COL1A2: variants seen among roughly 807,000 people sequenced by gnomAD.
COL1A2 encodes collagen type I alpha 2 chain.
COL1A2 carries 49 observed loss-of-function variants against 174.3 expected under a neutral mutation model. The observed-to-expected ratio is 0.28, with a 90% CI of 0.22 to 0.36. The LOEUF (loss-of-function observed/expected upper bound fraction) is 0.36, where lower values mean the gene tolerates loss of function less well. COL1A2 is among the 10% of genes least tolerant of loss of function. The pLI is 1.00. For synonymous variants in COL1A2, 655 were observed against 606.6 expected, an observed-to-expected ratio of 1.08 and a Z score of -1.17; for missense variants, 1,438 against 1,822.7, an observed-to-expected ratio of 0.79 and a Z score of 3.84.
At chr7:94,425,074 A>G in intron 41 of COL1A2, 43 bp from the exon 42 acceptor site, 3 of 1,564,914 alleles carry the variant, frequency 1.9e-6, no homozygotes, top group East Asian at 2.2e-5. Flanking sequence ...TTAGCATTCC[A>G]TCGAATAAGG....
intron 30 of COL1A2, among the ~76,000 whole-genome samples, chr7:94,415,504 A>G (rs568172810): frequency 3.8e-4 from 58 of 152,312 alleles, no homozygotes; most frequent in Non-Finnish European, 6.8e-4. Context: ...AAATCAATAT[A>G]TATTATAGTC....
chr7:94,419,710 T>G (rs1261500639), intron 34 of COL1A2, among the ~76,000 whole-genome samples, 159 bp downstream of exon 34: 1 of 152,212 alleles, frequency 6.6e-6, no homozygotes, highest in Non-Finnish European at 1.5e-5. Context: ...AAATGCTGTG[T>G]GTTTAAAATT....
chr7:94,405,733 A>G lies in COL1A2; in HGVS notation c.540+7A>G. The G allele has an allele frequency of 1.2e-6, 2 of 1,611,036 alleles. No individual in the cohort carries two copies. Among genetic ancestry groups the G allele is most frequent in the Non-Finnish European group, 8.5e-7 (1 of 1,177,164 alleles). On this transcript the variant is annotated splice_region_variant and intron_variant, in intron 11 of 51. Coordinates refer to ENST00000297268, the MANE Select transcript of COL1A2 (RefSeq NM_000089.4). ...TGGCTTCAAAGGCATTAGGGTGAGCACATTCTTTACTCAGAAGAGAGAAAA... is the reference window on the plus strand; with the variant it reads ...TGGCTTCAAAGGCATTAGGGTGAGCGCATTCTTTACTCAGAAGAGAGAAAA...
chr7:94,405,345 T>G, intron 10 of COL1A2, 93 bp downstream of exon 10: 1 of 1,200,382 alleles, frequency 8.3e-7, no homozygotes, highest in Non-Finnish European at 1.2e-6. Flanking sequence ...AACATAGATG[T>G]CACCCAAACT....
At position 94,409,427 on chromosome 7, in the gene COL1A2, A is replaced by T. The variant is rs1017077909; in HGVS notation, c.891+7A>T. ...CGGCCCCGTTGGACCTCCTGTAAGT[A>T]GCCACTGTCTTTAAACTTTATTGAG... is the stretch of plus-strand genomic sequence containing the variant. On this transcript the variant is annotated splice_region_variant and intron_variant, in intron 17 of 51. Coordinates refer to ENST00000297268, the MANE Select transcript of COL1A2 (RefSeq NM_000089.4). The T allele has an allele frequency of 4.3e-6, 7 of 1,613,882 alleles. No homozygotes were observed. The highest frequency in any genetic ancestry group is 1.3e-5 in the African/African-American group (1 of 74,916).
intron 34 of COL1A2, 23 bp from the exon 35 acceptor site, chr7:94,420,210 A>G (rs934912320): frequency 6.2e-7 from 1 of 1,612,870 alleles, no homozygotes; most frequent in East Asian, 2.2e-5. Flanking sequence ...ACATTAACAG[A>G]TTCATCTTTG....
intron 10 of COL1A2, 24 bp downstream of exon 10, chr7:94,405,276 T>C: frequency 1.2e-6 from 2 of 1,609,702 alleles, no homozygotes; most frequent in South Asian, 1.1e-5. Flanking sequence ...CATTGGTAGA[T>C]AGCACAAACA....
intron 33 of COL1A2, among the ~76,000 whole-genome samples, chr7:94,418,969 A>T (rs2115925895): frequency 6.6e-6 from 1 of 150,762 alleles, no homozygotes; most frequent in South Asian, 2.1e-4. Flanking sequence ...GAAATTTATC[A>T]CCCAAAGAGC....
Position 94,430,845 on chromosome 7 carries a change from C to T in COL1A2, c.*452C>T, listed in dbSNP as rs534703594. The T allele has an allele frequency of 4.6e-4, 79 of 172,548 alleles. No individual in the cohort carries two copies. Among genetic ancestry groups the T allele is most frequent in the African/African-American group, 1.8e-3 (76 of 41,612 alleles). 10.7% of individuals were successfully genotyped at this position (172,548 alleles called of 1,614,324 possible). ...ACCTAGACAGAGATGAACTGAGGTCCTTGTTTTGTTTTGTTCATAATACAA... is the reference window on the plus strand; with the variant it reads ...ACCTAGACAGAGATGAACTGAGGTCTTTGTTTTGTTTTGTTCATAATACAA... On this transcript the variant is annotated 3_prime_UTR_variant, in exon 52 of 52. Transcript: ENST00000297268.
rs1584332850 is a variant in COL1A2 at position 94,429,330 on chromosome 7, A to G, written c.3854A>G (p.Asn1285Ser). The G allele has an allele frequency of 6.2e-7, 1 of 1,614,124 alleles. No individual in the cohort carries two copies. Among genetic ancestry groups the G allele is most frequent in the Non-Finnish European group, 8.5e-7 (1 of 1,180,010 alleles). The change falls in exon 51 of 52, where the codon AAC becomes AGC. Residue 1285 changes from asparagine to serine, a missense_variant. Asn to Ser is a conservative substitution (Grantham distance 46). Around this residue, in one of 3 missense-constraint regions of COL1A2, gnomAD observed 290 missense variants for 298.1 expected, o/e 0.97. Transcript: ENST00000297268. ...GCATACATGGATGAGGAGACTGGCA[A>G]CCTGAAAAAGGCTGTCATTCTACAG... is the stretch of plus-strand genomic sequence containing the variant. ...SIAYMDEETGNLKKAVILQGS... is the reference protein window; with the variant it reads ...SIAYMDEETGSLKKAVILQGS...
Position 94,397,751 on chromosome 7 carries a change from T to C in COL1A2, c.74T>C (p.Leu25Ser). The change falls in exon 2 of 52, where the codon TTA becomes TCA. Residue 25 changes from leucine (L) to serine (S), a missense_variant. Around this residue, in one of 3 missense-constraint regions of COL1A2, gnomAD observed 281 missense variants for 310.9 expected, o/e 0.90. Coordinates refer to ENST00000297268, the MANE Select transcript of COL1A2 (RefSeq NM_000089.4). ...TTTTTCTTTTTTTTTTCTACAGCTT[T>C]ACAAGAGGTGAGTAAAACTTTTTTT... The part of the protein sequence containing the change: ...VTLCLATCQS[L>S]QEETVRKGPA... 7.6e-7 allele frequency: 1 copy of C among 1,319,262 alleles called. No homozygotes were observed. Among genetic ancestry groups the C allele is most frequent in the Non-Finnish European group, 1.1e-6 (1 of 922,002 alleles). The allele number at this position is 1,319,262 out of a possible 1,614,324, so 81.7% of individuals were successfully genotyped here.
intron 26 of COL1A2, 40 bp from the exon 27 acceptor site, chr7:94,413,650 C>G: frequency 6.3e-7 from 1 of 1,597,702 alleles, no homozygotes; most frequent in Non-Finnish European, 8.6e-7. Flanking sequence ...AACTACCTGG[C>G]TTGCAGCTAA....
intron 16 of COL1A2, among the ~76,000 whole-genome samples, 169 bp from the exon 17 acceptor site, chr7:94,409,153 A>G (rs1173792768): frequency 6.6e-6 from 1 of 152,218 alleles, no homozygotes; most frequent in African/African-American, 2.4e-5. Flanking sequence ...TGGCAGAATC[A>G]AGCAAGGAAA....
rs112697991 is a variant in COL1A2, at chr7:94,423,080, G to A, written c.2527G>A (p.Ala843Thr). Reference sequence around the variant, plus strand: ...AGGTGCAGTTGGTCCCCCTGGCTTCGCTGGTGAGAAGGGTCCCTCTGGAGA... The same window carrying A: ...AGGTGCAGTTGGTCCCCCTGGCTTCACTGGTGAGAAGGGTCCCTCTGGAGA... The part of the protein sequence containing the change: ...EVGAVGPPGF[A>T]GEKGPSGEAG... The change falls in exon 40 of 52, where the codon GCT (alanine) becomes ACT (threonine). Residue 843 changes from alanine to threonine, a missense_variant. Around this residue, in one of 3 missense-constraint regions of COL1A2, gnomAD observed 867 missense variants for 1,213.7 expected, o/e 0.71. Coordinates refer to ENST00000297268, the MANE Select transcript of COL1A2 (RefSeq NM_000089.4). The A allele has an allele frequency of 1.9e-5, 31 of 1,614,158 alleles. No homozygotes were observed. Among genetic ancestry groups the A allele is most frequent in the African/African-American group, 8.0e-5 (6 of 75,038 alleles).
rs902276955 is a variant in COL1A2, at chr7:94,394,972, C to T, written c.-60C>T. The T allele has an allele frequency of 5.9e-6, 9 of 1,513,666 alleles. No individual in the cohort carries two copies. The East Asian group carries it at 1.8e-4, about 30-fold the overall frequency. The allele number at this position is 1,513,666 out of a possible 1,614,324, so 93.8% of individuals were successfully genotyped here. A position where few individuals can be genotyped will look rare whatever the true frequency, so the allele number is the denominator to read the frequency against. On this transcript the variant is annotated 5_prime_UTR_variant, in exon 1 of 52. Transcript: ENST00000297268. ...GCATGCCCGCGCCCGCCAGGTGATA[C>T]CTCCGCCGGTGACCCAGGGGCTCTG...
At position 94,415,102 on chromosome 7, in the gene COL1A2, T is replaced by G. The variant is rs570045928; in HGVS notation, c.1720-124T>G. 639 of 829,462 alleles carry G rather than the reference T, an allele frequency of 7.7e-4. 2 individuals are homozygous for G. Among genetic ancestry groups the G allele is most frequent in the Non-Finnish European group, 1.1e-3 (533 of 468,714 alleles). The allele number at this position is 829,462 out of a possible 1,614,324, so 51.4% of individuals were successfully genotyped here. On this transcript the variant is annotated intron_variant, in intron 29 of 51. Coordinates refer to ENST00000297268, the MANE Select transcript of COL1A2 (RefSeq NM_000089.4). ...AAGTTGTTCTTATTAGCCTGTGTACTTATGCACTCATGTAGATACTGCCAG... is the reference window on the plus strand; with the variant it reads ...AAGTTGTTCTTATTAGCCTGTGTACGTATGCACTCATGTAGATACTGCCAG...
At chr7:94,414,980 C>G (rs1792008331) in intron 29 of COL1A2, among the ~76,000 whole-genome samples, 1 of 152,110 alleles carries the variant, frequency 6.6e-6, no homozygotes, top group South Asian at 2.1e-4. Context: ...AAGCAATAAA[C>G]TAAATAATGG....
Position 94,395,594 on chromosome 7 carries a change from T to C in COL1A2, c.70+493T>C, listed in dbSNP as rs187802538. The C allele has an allele frequency of 4.4e-4, 116 of 261,978 alleles. 1 individual carries two copies. In the East Asian group the frequency reaches 9.6e-3, roughly 22 times the overall value. 16.2% of individuals were successfully genotyped at this position (261,978 alleles called of 1,614,324 possible). On this transcript the variant is annotated intron_variant, in intron 1 of 51. Transcript: ENST00000297268. The stretch of plus-strand genomic sequence containing the variant: ...GTAAGGCTTGTCCGGAGGAGGAGGA[T>C]GACGATGCTGATATGATGATGGTTA...
At chr7:94,400,327 C>A in intron 5 of COL1A2, 39 bp downstream of exon 5, 1 of 1,533,334 alleles carries the variant, frequency 6.5e-7, no homozygotes, top group Non-Finnish European at 9.0e-7. Context: ...TAGCTAACTT[C>A]AGTTGAAAGA....
Sources: gnomAD v4.1 joint callset for allele counts (sites outside exome capture counted in the v4.1 genomes callset) on GRCh38, gnomAD v4.1.1 for gene constraint, gnomAD v4.1.1 regional missense constraint, MANE v1.5 for transcripts, NCBI Gene and HGNC (gene_info 2026-07-23, HGNC 2026-07-21) for gene names.